AGO3: variants seen among roughly 807,000 people sequenced by gnomAD.
AGO3 encodes the protein protein argonaute-3.
Under a neutral mutation model 105.5 loss-of-function variants are expected in AGO3, and 16 were observed. The ratio of observed to expected loss-of-function variants is 0.15; its 90% CI spans 0.10 to 0.23. AGO3 has a LOEUF of 0.23. AGO3 is among the 10% of genes least tolerant of loss of function. The probability of loss-of-function intolerance (pLI) is 1.00; values close to 1 mark genes in which losing one functional copy is unlikely to be tolerated. For missense variants in AGO3, 534 were observed against 1,088.0 expected (o/e 0.49, Z 7.16); for synonymous variants, 340 against 367.3 (o/e 0.93, Z 0.85).
chr1:35,932,100 T>C (rs1304448457), intron 1 of AGO3, among the ~76,000 whole-genome samples: 1 of 152,208 alleles, frequency 6.6e-6, no homozygotes, highest in South Asian at 2.1e-4. Context: ...GTCATATTCC[T>C]GGAAATTTGG....
chr1:35,977,848 A>G lies in AGO3; in HGVS notation c.658+4337A>G, dbSNP rs75409317. 7.6e-4 allele frequency among the ~76,000 whole-genome samples: 115 copies of G among 152,264 alleles called. 1 individual carries two copies. The highest frequency in any genetic ancestry group is 5.2e-3 in the East Asian group (27 of 5,186). ...CTTTTTCAAGCTTTCAACAATAAGC[A>G]TCTATTACTTCTTATCAAAAAACTA... On this transcript the variant is annotated intron_variant, in intron 5 of 18. Coordinates refer to ENST00000373191, the MANE Select transcript of AGO3 (RefSeq NM_024852.4).
At chr1:36,049,982 C>T (rs1243815134) in intron 17 of AGO3, among the ~76,000 whole-genome samples, 2 of 152,208 alleles carry the variant, frequency 1.3e-5, no homozygotes, top group African/African-American at 4.8e-5. Flanking sequence ...AACTTCAACA[C>T]CCCACTGTCA....
At chr1:35,977,168 G>C (rs1646968524) in intron 5 of AGO3, among the ~76,000 whole-genome samples, 2 of 149,308 alleles carry the variant, frequency 1.3e-5, no homozygotes, top group Non-Finnish European at 3.0e-5. Context: ...CATTTACCCT[G>C]ATCTGATTAT....
At chr1:35,960,931 TC>T (rs1195954008) in intron 2 of AGO3, among the ~76,000 whole-genome samples, 14 of 151,748 alleles carry the variant, frequency 9.2e-5, no homozygotes, top group Non-Finnish European at 1.8e-4. Context: ...ATGTTTCTTT[TC>T]TTTTTTTTTT....
rs554129845 is a variant in AGO3, at chr1:36,062,563, T to C, written c.*6818T>C. 6.6e-6 allele frequency: 1 copy of C among 152,272 alleles called. No individual in the cohort carries two copies. Among genetic ancestry groups the C allele is most frequent in the South Asian group, 2.1e-4 (1 of 4,828 alleles). The allele number at this position is 152,272 out of a possible 1,614,324, so 9.4% of individuals were successfully genotyped here. A position where few individuals can be genotyped will look rare whatever the true frequency, so the allele number is the denominator to read the frequency against. On this transcript the variant is annotated 3_prime_UTR_variant, in exon 19 of 19. Coordinates refer to ENST00000373191, the MANE Select transcript of AGO3 (RefSeq NM_024852.4). ...GTTAAATAGAAGTAGGGTCTGCAAA[T>C]TGTGCTTAAGGGGAAATAAGCAAAA...
chr1:35,982,801 C>T (rs1647077350), intron 5 of AGO3: 2 of 581,754 alleles, frequency 3.4e-6, no homozygotes, highest in African/African-American at 3.8e-5. Flanking sequence ...AAAAAAAAAA[C>T]TTTGGGTGTA....
intron 5 of AGO3, among the ~76,000 whole-genome samples, chr1:36,003,709 A>AAAAAAAAAATAAATAT (rs1295618675): frequency 1.0e-5 from 1 of 99,446 alleles, no homozygotes; most frequent in Non-Finnish European, 1.9e-5. Flanking sequence ...AAAAAAAAAA[A>AAAAAAAAAATAAATAT]ATATATATAT....
Position 35,941,835 on chromosome 1 carries a change from A to G in AGO3, c.20-3857A>G, listed in dbSNP as rs1469164752. On this transcript the variant is annotated intron_variant, in intron 1 of 18. Coordinates refer to ENST00000373191, the MANE Select transcript of AGO3 (RefSeq NM_024852.4). ...TGGTGAAACCCTGTCTCTACCAGAAATACAAAAACTTAGCCCTGCATGGTG... is the reference window on the plus strand; with the variant it reads ...TGGTGAAACCCTGTCTCTACCAGAAGTACAAAAACTTAGCCCTGCATGGTG... Among the ~76,000 whole-genome samples, 5 of 152,222 alleles carry G rather than the reference A, an allele frequency of 3.3e-5. No individual in the cohort carries two copies. In the East Asian group the frequency reaches 9.6e-4, roughly 29 times the overall value.
Position 36,018,454 on chromosome 1 carries a change from G to T in AGO3, c.1406+4406G>T, listed in dbSNP as rs914332379. 2.2e-4 allele frequency among the ~76,000 whole-genome samples: 34 copies of T among 151,576 alleles called. 1 individual carries two copies. The highest frequency in any genetic ancestry group is 1.9e-3 in the Admixed American group (29 of 15,222). ...GGTTTTTGTTTTTTTTTGTTTTTTG[G>T]TTTTTGTTTTGAGACGGAGTCTTGC... is the stretch of plus-strand genomic sequence containing the variant. On this transcript the variant is annotated intron_variant, in intron 11 of 18. Coordinates refer to ENST00000373191, the MANE Select transcript of AGO3 (RefSeq NM_024852.4).
rs369914043 is a variant in AGO3, at chr1:35,959,577, G to A, written c.192-7378G>A. 9.9e-5 allele frequency among the ~76,000 whole-genome samples: 15 copies of A among 152,088 alleles called. No homozygotes were observed. The East Asian group carries it at 1.5e-3, about 16-fold the overall frequency. The stretch of plus-strand genomic sequence containing the variant: ...TAAAATATTTTATGTATTTTTATTA[G>A]TCTAGTTTTACTACTTACGGTAAGC... On this transcript the variant is annotated intron_variant, in intron 2 of 18. Coordinates refer to ENST00000373191, the MANE Select transcript of AGO3 (RefSeq NM_024852.4).
intron 12 of AGO3, among the ~76,000 whole-genome samples, chr1:36,030,143 T>C (rs1316953628): frequency 6.6e-6 from 1 of 152,206 alleles, no homozygotes; most frequent in African/African-American, 2.4e-5. Flanking sequence ...GAAAAGATTA[T>C]AAACTGAAAT....
intron 12 of AGO3, among the ~76,000 whole-genome samples, chr1:36,029,769 T>C (rs1390958136): frequency 2.0e-5 from 3 of 149,410 alleles, no homozygotes; most frequent in African/African-American, 7.4e-5. Context: ...CTCAGCTCAC[T>C]GCAACCTCCA....
In AGO3 at chr1:36,070,350, T is replaced by C. The variant is rs567317788; in HGVS notation, c.*14605T>C. Reference sequence around the variant, plus strand: ...AAATATAGTGAAAGTTTCTGCTTCATGTGAATTCAATTCTGAGCACCTGCA... The same window carrying C: ...AAATATAGTGAAAGTTTCTGCTTCACGTGAATTCAATTCTGAGCACCTGCA... On this transcript the variant is annotated 3_prime_UTR_variant, in exon 19 of 19. Coordinates refer to ENST00000373191, the MANE Select transcript of AGO3 (RefSeq NM_024852.4). The C allele has an allele frequency of 2.0e-5, 3 of 152,364 alleles. No homozygotes were observed. The highest frequency in any genetic ancestry group is 7.2e-5 in the African/African-American group (3 of 41,600). The allele number at this position is 152,364 out of a possible 1,614,324, so 9.4% of individuals were successfully genotyped here.
At chr1:35,968,526 ATTGT>A (rs1228143107) in intron 3 of AGO3, among the ~76,000 whole-genome samples, 2 of 152,062 alleles carry the variant, frequency 1.3e-5, no homozygotes. Context: ...GAAATCATAG[ATTGT>A]TTGTCTTTTT....
intron 9 of AGO3, 138 bp downstream of exon 9, chr1:36,009,732 C>A: frequency 1.1e-6 from 1 of 930,266 alleles, no homozygotes; most frequent in Non-Finnish European, 1.5e-6. Flanking sequence ...TGGAAGTAAT[C>A]TAATGTTCTT....
At chr1:35,959,263 G>A (rs1646631104) in intron 2 of AGO3, among the ~76,000 whole-genome samples, 1 of 152,172 alleles carries the variant, frequency 6.6e-6, no homozygotes, top group Non-Finnish European at 1.5e-5. Context: ...CAGAATGTAG[G>A]AAGTAGTGAT....
intron 9 of AGO3, 32 bp downstream of exon 9, chr1:36,009,626 AAAC>A (rs1640497935): frequency 3.1e-6 from 5 of 1,598,160 alleles, no homozygotes; most frequent in Non-Finnish European, 3.4e-6. Flanking sequence ...TGAGAATTTA[AAAC>A]ATATTAGGGT....
Position 35,945,873 on chromosome 1 carries a change from A to G in AGO3, c.191+10A>G. 1.2e-6 allele frequency: 2 copies of G among 1,602,108 alleles called. No individual in the cohort carries two copies. Among genetic ancestry groups the G allele is most frequent in the Non-Finnish European group, 1.7e-6 (2 of 1,173,276 alleles). ...CTAGGAGAGTGAACAGGTAAGAATC[A>G]TGAAACTGCAAAGATCTTTTGCTAT... On this transcript the variant is annotated intron_variant, in intron 2 of 18. Transcript: ENST00000373191.
intron 15 of AGO3, 46 bp downstream of exon 15, chr1:36,040,030 G>C: frequency 6.5e-7 from 1 of 1,534,724 alleles, no homozygotes. Context: ...ATCAGATATT[G>C]TGTTTATAAT....
Sources: gnomAD v4.1 joint callset for allele counts (sites outside exome capture counted in the v4.1 genomes callset) on GRCh38, gnomAD v4.1.1 for gene constraint, MANE v1.5 for transcripts, NCBI Gene and HGNC (gene_info 2026-07-23, HGNC 2026-07-21) for gene names.